Variants in TRRAP observed in about 807,000 individuals in gnomAD.
TRRAP encodes transformation/transcription domain associated protein.
Under a neutral mutation model 438.8 loss-of-function variants are expected in TRRAP, and 41 were observed. The ratio of observed to expected loss-of-function variants is 0.09; its 90% CI spans 0.07 to 0.12. TRRAP has a LOEUF of 0.12. Among genes scored for constraint, TRRAP ranks in the 10% least tolerant of loss-of-function variants. The pLI, the probability that TRRAP is intolerant of heterozygous loss-of-function variation, is 1.00. For missense variants in TRRAP, 3,122 were observed against 5,055.1 expected (o/e 0.62, Z 11.60); for synonymous variants, 1,994 against 1,962.9 (o/e 1.02, Z -0.42).
intron 48 of TRRAP, among the ~76,000 whole-genome samples, chr7:98,965,243 T>G (rs541291075): frequency 2.0e-5 from 3 of 152,280 alleles, no homozygotes; most frequent in Non-Finnish European, 4.4e-5. Flanking sequence ...CCACTGAGAC[T>G]TACCAGTGCT....
chr7:98,982,822 G>A (rs1261967057), intron 59 of TRRAP, among the ~76,000 whole-genome samples: 1 of 152,218 alleles, frequency 6.6e-6, no homozygotes, highest in African/African-American at 2.4e-5. Flanking sequence ...CAGGTGCTTA[G>A]TGTGGCTGTG....
rs553561825 is a variant in TRRAP at position 98,922,099 on chromosome 7, G to T, written c.2823+146G>T. ...GGTGATCGGCCTGGTTGGCACAGGGGCTTTCCTAATGCCAGGAGACCAGTG... is the reference window on the plus strand; with the variant it reads ...GGTGATCGGCCTGGTTGGCACAGGGTCTTTCCTAATGCCAGGAGACCAGTG... On this transcript the variant is annotated intron_variant, in intron 21 of 72. Transcript: ENST00000456197. The T allele has an allele frequency of 5.2e-6, 6 of 1,149,954 alleles. No individual in the cohort carries two copies. In the African/African-American group the frequency reaches 6.1e-5, roughly 12 times the overall value. The allele number at this position is 1,149,954 out of a possible 1,614,324, so 71.2% of individuals were successfully genotyped here. A position where few individuals can be genotyped will look rare whatever the true frequency, so the allele number is the denominator to read the frequency against.
Position 98,925,093 on chromosome 7 carries a change from C to A in TRRAP, c.2824-19C>A. On this transcript the variant is annotated intron_variant, in intron 21 of 72. Coordinates refer to ENST00000456197, the MANE Select transcript of TRRAP (RefSeq NM_001375524.1). The stretch of plus-strand genomic sequence containing the variant: ...GTAATTTCAGCACAAACTGTAGTTT[C>A]TTTGTGTCTTGGTTGTAGGCCATTG... The A allele has an allele frequency of 6.3e-7, 1 of 1,596,182 alleles. No individual in the cohort carries two copies. The highest frequency in any genetic ancestry group is 2.2e-5 in the East Asian group (1 of 44,572).
At chr7:98,878,788 C>T (rs1795280261) in intron 1 of TRRAP, among the ~76,000 whole-genome samples, 151 bp downstream of exon 1, 1 of 152,030 alleles carries the variant, frequency 6.6e-6, no homozygotes, top group Admixed American at 6.5e-5. Flanking sequence ...CAGAGCCCAC[C>T]TGGGGCTGCG....
intron 31 of TRRAP, 110 bp from the exon 32 acceptor site, chr7:98,945,637 G>T: frequency 8.1e-7 from 1 of 1,238,508 alleles, no homozygotes; most frequent in East Asian, 2.4e-5. Context: ...GATAATTTGT[G>T]TCTTTACTGT....
chr7:98,921,922 G>C lies in TRRAP; in HGVS notation c.2792G>C (p.Cys931Ser), dbSNP rs782135484. The C allele has an allele frequency of 1.9e-6, 3 of 1,614,226 alleles. No individual in the cohort carries two copies. The East Asian group carries it at 6.7e-5, about 36-fold the overall frequency. ...AGCATCACTGTGGAGTTTTCCGACT[G>C]CAAAGCTTCTCTCCAGCTCCCCATG... ...GPSITVEFSDCKASLQLPMEK... is the reference protein window; with the variant it reads ...GPSITVEFSDSKASLQLPMEK... Residue 931 changes from cysteine (C) to serine (S), a missense_variant, in exon 21 of 73, where the codon TGC (cysteine) becomes TCC (serine). Physicochemically the swap from Cys to Ser is moderately radical, Grantham distance 112. Transcript: ENST00000456197.
chr7:98,952,685 G>A (rs1322331947), intron 39 of TRRAP, among the ~76,000 whole-genome samples: 1 of 152,002 alleles, frequency 6.6e-6, no homozygotes, highest in Non-Finnish European at 1.5e-5. Context: ...GGGAAGAGTG[G>A]GCTGAAGGGG....
chr7:98,998,421 T>G (rs1486574502), intron 67 of TRRAP: 1 of 153,814 alleles, frequency 6.5e-6, no homozygotes, highest in African/African-American at 2.4e-5. Context: ...CCATCTCTTC[T>G]ACACAGGAAG....
At position 98,964,784 on chromosome 7, in the gene TRRAP, C is replaced by T. The variant is rs1472368273; in HGVS notation, c.6976+9C>T. 1.9e-6 allele frequency: 3 copies of T among 1,609,214 alleles called. No individual in the cohort carries two copies. In the Admixed American group the frequency reaches 5.1e-5, roughly 27 times the overall value. ...CACCGAAGCCACCTCAGGTGATGTG[C>T]TGGCCACCGGGGGCCTTTCCTCAGA... is the stretch of plus-strand genomic sequence containing the variant. On this transcript the variant is annotated intron_variant, in intron 48 of 72. Transcript: ENST00000456197.
chr7:98,940,350 A>G (rs1790744719), intron 30 of TRRAP, among the ~76,000 whole-genome samples: 1 of 151,558 alleles, frequency 6.6e-6, no homozygotes, highest in Non-Finnish European at 1.5e-5. Context: ...CGCCACGCCC[A>G]GCTAATTTTT....
rs1178771799 is a variant in TRRAP at position 98,950,275 on chromosome 7, C to G, written c.5334+13C>G. ...ATTAAAAGCTAAAGTGAGTCCCACT[C>G]TTATGCTGTAGAAGGGTATGGGTAT... On this transcript the variant is annotated intron_variant, in intron 38 of 72. Transcript: ENST00000456197. 4 of 1,614,008 alleles carry G rather than the reference C, an allele frequency of 2.5e-6. No homozygotes were observed. The highest frequency in any genetic ancestry group is 1.6e-4 in the Middle Eastern group (1 of 6,084).
intron 43 of TRRAP, among the ~76,000 whole-genome samples, chr7:98,957,213 C>T (rs1791658809): frequency 6.6e-6 from 1 of 152,234 alleles, no homozygotes. Context: ...TGGTCCCAGT[C>T]TCTGTCACCC....
chr7:98,931,848 T>A (rs929544994), intron 26 of TRRAP, among the ~76,000 whole-genome samples, 183 bp downstream of exon 26: 1 of 152,220 alleles, frequency 6.6e-6, no homozygotes, highest in Non-Finnish European at 1.5e-5. Flanking sequence ...TAAAATGGTG[T>A]GATATTTGTA....
chr7:98,921,699 C>G (rs1789804545), intron 20 of TRRAP, 54 bp from the exon 21 acceptor site: 1 of 1,605,666 alleles, frequency 6.2e-7, no homozygotes, highest in Non-Finnish European at 8.5e-7. Context: ...TTGATCCGAA[C>G]CTCGTGAAGG....
In TRRAP at chr7:98,976,330, A is replaced by G. The variant is rs1792655220; in HGVS notation, c.7959+62A>G. ...TAGTTTTAGCTTTTGGTAAGTATTC[A>G]TAAAAGAACACAGTCTCGAACAAGT... On this transcript the variant is annotated intron_variant, in intron 54 of 72. Coordinates refer to ENST00000456197, the MANE Select transcript of TRRAP (RefSeq NM_001375524.1). The surrounding 1 kb of genome is among the most constrained non-coding windows in gnomAD (Gnocchi z 4.6). 2 of 1,600,530 alleles carry G rather than the reference A, an allele frequency of 1.2e-6. No homozygotes were observed. Among genetic ancestry groups the G allele is most frequent in the South Asian group, 2.2e-5 (2 of 90,020 alleles).
chr7:98,953,489 C>T (rs1408866543), intron 40 of TRRAP, 56 bp downstream of exon 40: 1 of 1,586,744 alleles, frequency 6.3e-7, no homozygotes, highest in African/African-American at 1.3e-5. Flanking sequence ...ACATGGTGCA[C>T]TTGGCTCCCT....
At position 98,985,064 on chromosome 7, in the gene TRRAP, AG is replaced by A; in HGVS notation, c.9389+22del. The A allele has an allele frequency of 6.6e-7, 1 of 1,511,010 alleles. No individual in the cohort carries two copies. Among genetic ancestry groups the A allele is most frequent in the East Asian group, 2.3e-5 (1 of 44,314 alleles). 93.6% of individuals were successfully genotyped at this position (1,511,010 alleles called of 1,614,324 possible). A position where few individuals can be genotyped will look rare whatever the true frequency, so the allele number is the denominator to read the frequency against. On this transcript the variant is annotated intron_variant, in intron 62 of 72. Coordinates refer to ENST00000456197, the MANE Select transcript of TRRAP (RefSeq NM_001375524.1). Reference sequence around the variant, plus strand: ...CAACAAGTATGTATGTTATATTGAAAGGATAAGAGAAAAAATGCATCAGATT... The same window carrying A: ...CAACAAGTATGTATGTTATATTGAAAGATAAGAGAAAAAATGCATCAGATT...
chr7:98,949,616 G>T, intron 36 of TRRAP, 35 bp downstream of exon 36: 1 of 1,592,938 alleles, frequency 6.3e-7, no homozygotes, highest in East Asian at 2.2e-5. Flanking sequence ...AATGCCCAGG[G>T]GTTTAATCGA....
chr7:98,924,311 G>A (rs1374725011), intron 21 of TRRAP, among the ~76,000 whole-genome samples: 2 of 152,192 alleles, frequency 1.3e-5, no homozygotes, highest in African/African-American at 4.8e-5. Flanking sequence ...TCTTTTGGAA[G>A]CTTCACCAGG....
Sources: allele counts gnomAD v4.1 joint callset (sites outside exome capture counted in the v4.1 genomes callset), GRCh38; gene constraint gnomAD v4.1.1; non-coding constraint Gnocchi (gnomAD v3.1); transcripts MANE v1.5; gene names NCBI Gene and HGNC (gene_info 2026-07-23, HGNC 2026-07-21).